Variants in OPRD1 observed in about 807,000 individuals in gnomAD.
The protein encoded by OPRD1 is opioid receptor delta 1, also known as delta-type opioid receptor.
OPRD1 carries 19 observed loss-of-function variants against 17.5 expected under a neutral mutation model. The ratio of observed to expected loss-of-function variants is 1.09; its 90% CI spans 0.76 to 1.60. The LOEUF (loss-of-function observed/expected upper bound fraction) is 1.60, where lower values mean the gene tolerates loss of function less well. OPRD1 is among the 40% of genes most tolerant of loss of function. The pLI is 0.00. For synonymous variants in OPRD1, 256 were observed against 240.9 expected, an observed-to-expected ratio of 1.06 and a Z score of -0.58; for missense variants, 483 against 547.2, an observed-to-expected ratio of 0.88 and a Z score of 1.17.
In OPRD1 at chr1:28,845,066, C is replaced by T. The variant is rs576870098; in HGVS notation, c.228-13888C>T. Among the ~76,000 whole-genome samples, 164 of 152,128 alleles carry T rather than the reference C, an allele frequency of 1.1e-3. 2 individuals are homozygous for T. Among genetic ancestry groups the T allele is most frequent in the Non-Finnish European group, 1.7e-3 (118 of 67,996 alleles). On this transcript the variant is annotated intron_variant, in intron 1 of 2. Transcript: ENST00000234961. ...AAGTTTTAAATGTGATATAGTCAGC[C>T]GGGCATGGTGGCTCATGCCTGTAAT... is the stretch of plus-strand genomic sequence containing the variant.
chr1:28,845,593 A>T (rs1007193648), intron 1 of OPRD1, among the ~76,000 whole-genome samples: 49 of 152,156 alleles, frequency 3.2e-4, no homozygotes, highest in African/African-American at 1.0e-3. Flanking sequence ...GAAGAAATTT[A>T]AAAAAGAGGA....
intron 1 of OPRD1, among the ~76,000 whole-genome samples, chr1:28,831,131 A>G (rs987358890): frequency 1.3e-5 from 2 of 152,196 alleles, no homozygotes; most frequent in Non-Finnish European, 2.9e-5. Context: ...TTCCTCCCTG[A>G]GGGGAGCGAA....
chr1:28,845,071 A>G (rs1369233697), intron 1 of OPRD1, among the ~76,000 whole-genome samples: 1 of 151,650 alleles, frequency 6.6e-6, no homozygotes, highest in Non-Finnish European at 1.5e-5. Context: ...TCAGCCGGGC[A>G]TGGTGGCTCA....
At chr1:28,842,425 C>T (rs906396320) in intron 1 of OPRD1, among the ~76,000 whole-genome samples, 4 of 152,228 alleles carry the variant, frequency 2.6e-5, no homozygotes, top group African/African-American at 9.6e-5. Context: ...TCAGTCAGCA[C>T]TTGGGTATTC....
At chr1:28,831,887 G>A (rs2088811115) in intron 1 of OPRD1, among the ~76,000 whole-genome samples, 1 of 152,212 alleles carries the variant, frequency 6.6e-6, no homozygotes, top group Admixed American at 6.6e-5. Flanking sequence ...CAAGCTCTAT[G>A]TGAAGCATTG....
chr1:28,862,683 G>A (rs995801528), intron 2 of OPRD1, 59 bp from the exon 3 acceptor site: 2 of 1,507,192 alleles, frequency 1.3e-6, no homozygotes, highest in Admixed American at 2.2e-5. Flanking sequence ...AGCAGGTGGG[G>A]GCCCCTTAGG....
chr1:28,850,139 C>T (rs1165108566), intron 1 of OPRD1, among the ~76,000 whole-genome samples: 1 of 152,068 alleles, frequency 6.6e-6, no homozygotes. Flanking sequence ...CTCGGCCTCC[C>T]AAAGTGCTGG....
chr1:28,846,590 C>T (rs372099789), intron 1 of OPRD1, among the ~76,000 whole-genome samples: 3 of 151,088 alleles, frequency 2.0e-5, no homozygotes, highest in Non-Finnish European at 2.9e-5. Flanking sequence ...GGCTGAGGCA[C>T]GAGAATCGCT....
chr1:28,826,494 T>C (rs1410799001), intron 1 of OPRD1, among the ~76,000 whole-genome samples: 3 of 151,772 alleles, frequency 2.0e-5, no homozygotes, highest in African/African-American at 7.3e-5. Flanking sequence ...GCAGCCTGGG[T>C]GAGAGAGCCA....
At chr1:28,814,001 T>A (rs1483866631) in intron 1 of OPRD1, among the ~76,000 whole-genome samples, 1 of 152,118 alleles carries the variant, frequency 6.6e-6, no homozygotes, top group Non-Finnish European at 1.5e-5. Context: ...TGTGTGGGTG[T>A]CAGTGGGCTT....
intron 1 of OPRD1, among the ~76,000 whole-genome samples, chr1:28,854,011 G>A (rs1291975491): frequency 1.3e-5 from 2 of 151,936 alleles, no homozygotes; most frequent in Non-Finnish European, 2.9e-5. Flanking sequence ...AAAGTGCTGG[G>A]ATTACAGGCA....
Position 28,868,419 on chromosome 1 carries a change from A to C in OPRD1, c.*5136A>C, listed in dbSNP as rs1196817236. ...CGAGAGCACTCTCTGAAAGCTAGAG[A>C]TATGGTAAGCAAAGTGCCACCAAAG... On this transcript the variant is annotated 3_prime_UTR_variant, in exon 3 of 3. Transcript: ENST00000234961. The C allele has an allele frequency of 2.0e-5, 3 of 152,232 alleles. No homozygotes were observed. Among genetic ancestry groups the C allele is most frequent in the Admixed American group, 6.5e-5 (1 of 15,284 alleles). The allele number at this position is 152,232 out of a possible 1,614,324, so 9.4% of individuals were successfully genotyped here.
chr1:28,853,070 G>A (rs1258810469), intron 1 of OPRD1, among the ~76,000 whole-genome samples: 1 of 152,184 alleles, frequency 6.6e-6, no homozygotes, highest in African/African-American at 2.4e-5. Flanking sequence ...TTGGGAGGAT[G>A]GAGAGAGGAA....
In OPRD1 at chr1:28,837,670, C is replaced by CA. The variant is rs1173616702; in HGVS notation, c.228-21275dup. Among the ~76,000 whole-genome samples the CA allele has an allele frequency of 3.0e-3, 445 of 147,240 alleles. 4 individuals are homozygous for CA. The highest frequency in any genetic ancestry group is 9.3e-3 in the African/African-American group (376 of 40,296). Reference sequence around the variant, plus strand: ...TCAAAAAAACAAAAAACAAAAAAAACAAAAAAAAACCCAAAAAATGGTTCG... The same window carrying CA: ...TCAAAAAAACAAAAAACAAAAAAAACAAAAAAAAAACCCAAAAAATGGTTCG... On this transcript the variant is annotated intron_variant, in intron 1 of 2. Coordinates refer to ENST00000234961, the MANE Select transcript of OPRD1 (RefSeq NM_000911.4).
In OPRD1 at chr1:28,812,233, A is replaced by T; in HGVS notation, c.-151A>T. On this transcript the variant is annotated 5_prime_UTR_variant, in exon 1 of 3. Transcript: ENST00000234961. ...GCTGGGCCGGTGCGGGCGGCGAGGC[A>T]GGCGGACGAGGCGCAGAGACAGCGG... 3.4e-6 allele frequency: 1 copy of T among 298,122 alleles called. No homozygotes were observed. The highest frequency in any genetic ancestry group is 5.3e-6 in the Non-Finnish European group (1 of 186,968). 18.5% of individuals were successfully genotyped at this position (298,122 alleles called of 1,614,324 possible). A position where few individuals can be genotyped will look rare whatever the true frequency, so the allele number is the denominator to read the frequency against.
At chr1:28,845,475 T>C (rs1267711757) in intron 1 of OPRD1, among the ~76,000 whole-genome samples, 1 of 110,610 alleles carries the variant, frequency 9.0e-6, no homozygotes, top group Non-Finnish European at 1.9e-5. Context: ...TGAGACTCCA[T>C]CTCAAAAAAA....
chr1:28,815,338 T>C (rs947724661), intron 1 of OPRD1, among the ~76,000 whole-genome samples: 1 of 152,114 alleles, frequency 6.6e-6, no homozygotes, highest in Non-Finnish European at 1.5e-5. Context: ...ACTTCTGAGC[T>C]CAAGCAGTCC....
intron 1 of OPRD1, among the ~76,000 whole-genome samples, chr1:28,819,098 A>T (rs1471054816): frequency 6.6e-6 from 1 of 151,994 alleles, no homozygotes; most frequent in Non-Finnish European, 1.5e-5. Flanking sequence ...GGCAATGAAA[A>T]GAGAGCCATG....
At chr1:28,845,661 A>G (rs2088933895) in intron 1 of OPRD1, among the ~76,000 whole-genome samples, 1 of 152,182 alleles carries the variant, frequency 6.6e-6, no homozygotes. Flanking sequence ...ATCTGGTGTC[A>G]TGAAGCTTTC....
Sources: gnomAD v4.1 joint callset for allele counts (sites outside exome capture counted in the v4.1 genomes callset) on GRCh38, gnomAD v4.1.1 for gene constraint, MANE v1.5 for transcripts, NCBI Gene and HGNC (gene_info 2026-07-23, HGNC 2026-07-21) for gene names.